DRC9: variants seen among roughly 807,000 people sequenced by gnomAD.
DRC9 encodes dynein regulatory complex subunit 9.
At chr3:197,899,838 G>T in the DRC9 span, among the ~76,000 whole-genome samples, 1 of 152,100 alleles carries the variant, frequency 6.6e-6, no homozygotes, top group Non-Finnish European at 1.5e-5. Context: ...GCAGTACCTG[G>T]TTTTAACTTC....
the DRC9 span, among the ~76,000 whole-genome samples, chr3:197,917,761 C>T: frequency 2.6e-5 from 4 of 151,398 alleles, no homozygotes; most frequent in South Asian, 2.1e-4. Flanking sequence ...GACAGAGTCT[C>T]GCTGTGTTGC....
the DRC9 span, chr3:197,953,933 TAG>T: frequency 5.8e-6 from 9 of 1,548,372 alleles, no homozygotes; most frequent in East Asian, 2.0e-4. Flanking sequence ...GCCACTCGTG[TAG>T]AGGTCACCTT....
the DRC9 span, among the ~76,000 whole-genome samples, chr3:197,907,898 C>G: frequency 1.8e-3 from 235 of 130,792 alleles, no homozygotes; most frequent in Admixed American, 3.8e-3. Flanking sequence ...GACTGTACCA[C>G]GTCTGAAGAG....
the DRC9 span, among the ~76,000 whole-genome samples, chr3:197,942,385 C>CAAAAAAA: frequency 2.8e-3 from 47 of 17,076 alleles, 4 homozygotes; most frequent in African/African-American, 4.3e-3. Context: ...CTCCGTCTCA[C>CAAAAAAA]AAAAAAAAAA....
chr3:197,915,181 AGAAAAG>A, the DRC9 span, among the ~76,000 whole-genome samples: 1 of 145,568 alleles, frequency 6.9e-6, no homozygotes, highest in Non-Finnish European at 1.5e-5. Context: ...AAAAAAAAAA[AGAAAAG>A]AAAAAGAAAA....
At chr3:197,957,295 C>A in the DRC9 span, 78,908 of 151,998 alleles carry the variant, frequency 0.52, 23,449 homozygotes, top group African/African-American at 0.83. Flanking sequence ...GAAAGCAAGA[C>A]GCCCTCCCCC....
the DRC9 span, among the ~76,000 whole-genome samples, chr3:197,944,786 G>A: frequency 4.7e-5 from 7 of 149,904 alleles, no homozygotes; most frequent in East Asian, 1.4e-3. Flanking sequence ...TCTCCATGTT[G>A]GTCAGACTGG....
At chr3:197,913,041 A>G in the DRC9 span, 2 of 344,422 alleles carry the variant, frequency 5.8e-6, no homozygotes, top group East Asian at 6.4e-5. Flanking sequence ...GGGCTTAAAA[A>G]GGGGGATTCC....
chr3:197,897,378 A>G, the DRC9 span, among the ~76,000 whole-genome samples: 1 of 152,200 alleles, frequency 6.6e-6, no homozygotes, highest in Non-Finnish European at 1.5e-5. Flanking sequence ...CAAATTCTAG[A>G]TATTACAATT....
chr3:197,898,549 T>G, the DRC9 span, among the ~76,000 whole-genome samples: 34 of 152,238 alleles, frequency 2.2e-4, no homozygotes, highest in Non-Finnish European at 2.4e-4. Flanking sequence ...GTTCTCATAC[T>G]GCTGATAAAG....
chr3:197,913,898 A>C, the DRC9 span: 17 of 1,614,132 alleles, frequency 1.1e-5, no homozygotes, highest in Non-Finnish European at 1.4e-5. Flanking sequence ...TCTTCCACCA[A>C]GAGTTCCTCT....
chr3:197,956,978 TG>T, the DRC9 span: 2 of 152,230 alleles, frequency 1.3e-5, no homozygotes, highest in Admixed American at 6.5e-5. Flanking sequence ...ACTGGGAGTT[TG>T]CCACCTAAGC....
the DRC9 span, among the ~76,000 whole-genome samples, chr3:197,900,801 G>A: frequency 3.3e-5 from 5 of 152,354 alleles, no homozygotes; most frequent in South Asian, 1.0e-3. The surrounding 1 kb of genome is among the most constrained non-coding windows in gnomAD (Gnocchi z 4.7). Flanking sequence ...CCCACTCCAG[G>A]CCTTAGCTCC....
the DRC9 span, chr3:197,949,299 A>C: frequency 6.6e-6 from 1 of 152,204 alleles, no homozygotes; most frequent in African/African-American, 2.4e-5. Context: ...ACCCAAATAA[A>C]TATGCAATAA....
chr3:197,899,459 G>T, the DRC9 span, among the ~76,000 whole-genome samples: 1 of 152,094 alleles, frequency 6.6e-6, no homozygotes, highest in South Asian at 2.1e-4. Flanking sequence ...GTGGCGGCAG[G>T]TACCTAGAAT....
At chr3:197,950,083 A>T in the DRC9 span, 284 of 1,211,674 alleles carry the variant, frequency 2.3e-4, no homozygotes, top group Admixed American at 3.8e-4. Flanking sequence ...TTTCAGTGCG[A>T]AGCCGATTTC....
chr3:197,938,778 T>C, the DRC9 span: 5 of 1,605,146 alleles, frequency 3.1e-6, no homozygotes, highest in Admixed American at 8.4e-5. Context: ...TTTCTCTGCT[T>C]TTCTTTTAAA....
chr3:197,945,392 C>T, the DRC9 span, among the ~76,000 whole-genome samples: 1 of 152,164 alleles, frequency 6.6e-6, no homozygotes, highest in African/African-American at 2.4e-5. Context: ...CATTGCCACC[C>T]CTGGCCAACT....
At chr3:197,908,697 G>A in the DRC9 span, among the ~76,000 whole-genome samples, 25 of 143,598 alleles carry the variant, frequency 1.7e-4, no homozygotes, top group African/African-American at 5.7e-4. Flanking sequence ...TTATCACAGG[G>A]GTGGTGACTG....
Sources: allele counts gnomAD v4.1 joint callset (sites outside exome capture counted in the v4.1 genomes callset), GRCh38; gene constraint gnomAD v4.1.1; non-coding constraint Gnocchi (gnomAD v3.1); transcripts MANE v1.5; gene names NCBI Gene and HGNC (gene_info 2026-07-23, HGNC 2026-07-21).